The following KDM2B variants were observed in gnomAD, a reference collection of about 807,000 sequenced individuals.
The protein encoded by KDM2B is lysine demethylase 2B.
A neutral mutation model predicts 150.0 loss-of-function variants in KDM2B; 26 were observed. The ratio of observed to expected loss-of-function variants is 0.17; its 90% CI spans 0.13 to 0.24. The LOEUF (loss-of-function observed/expected upper bound fraction) is 0.24. Ranked by LOEUF, KDM2B falls within the 10% of genes least tolerant of loss-of-function variation. The pLI, the probability that KDM2B is intolerant of heterozygous loss-of-function variation, is 1.00. For synonymous variants in KDM2B, 734 were observed against 729.5 expected, an observed-to-expected ratio of 1.01 and a Z score of -0.10; for missense variants, 1,265 against 1,816.9, an observed-to-expected ratio of 0.70 and a Z score of 5.52.
chr12:121,467,234 G>A lies in KDM2B; in HGVS notation c.1735-13890C>T. 9.8e-7 allele frequency: 1 copy of A among 1,022,524 alleles called. No homozygotes were observed. Among genetic ancestry groups the A allele is most frequent in the South Asian group, 3.1e-5 (1 of 32,276 alleles). The allele number at this position is 1,022,524 out of a possible 1,614,324, so 63.3% of individuals were successfully genotyped here. ...CATGGCTCATGGTGGGCCCAGGCTCGCGCGCGCTGACATGGCTGGAGCGGC... is the reference window on the plus strand; with the variant it reads ...CATGGCTCATGGTGGGCCCAGGCTCACGCGCGCTGACATGGCTGGAGCGGC... On this transcript the variant is annotated intron_variant, in intron 12 of 22. Coordinates refer to ENST00000377071, the MANE Select transcript of KDM2B (RefSeq NM_032590.5). The surrounding 1 kb of genome is among the most constrained non-coding windows in gnomAD (Gnocchi z 5.1).
chr12:121,450,210 A>G (rs1555291237), intron 13 of KDM2B, among the ~76,000 whole-genome samples: 1 of 151,930 alleles, frequency 6.6e-6, no homozygotes, highest in African/African-American at 2.4e-5. Flanking sequence ...GCTACTTGGG[A>G]GGCTGAGGTA....
chr12:121,418,858 A>C, the KDM2B span: 1 of 152,114 alleles, frequency 6.6e-6, no homozygotes, highest in South Asian at 2.1e-4. Context: ...AGTAGCTAGG[A>C]TTACACCCCA....
chr12:121,530,096 C>T (rs1345113496), intron 8 of KDM2B, among the ~76,000 whole-genome samples: 1 of 151,406 alleles, frequency 6.6e-6, no homozygotes, highest in Non-Finnish European at 1.5e-5. Flanking sequence ...GGCATGGTGG[C>T]GGGTGCCTGT....
chr12:121,507,559 T>A (rs1311163075), intron 11 of KDM2B, among the ~76,000 whole-genome samples: 1 of 152,060 alleles, frequency 6.6e-6, no homozygotes, highest in Non-Finnish European at 1.5e-5. Flanking sequence ...CTCCTCTACA[T>A]CATCAAAGGG....
chr12:121,423,286 G>A, the KDM2B span: 3 of 861,342 alleles, frequency 3.5e-6, no homozygotes, highest in Non-Finnish European at 5.4e-6. This position sits in a 1 kb window ranked among gnomAD's most constrained non-coding sequence, Gnocchi z 4.3. Flanking sequence ...TGGGCCTGCA[G>A]GGGTCATTCA....
rs1885809027 is a variant in KDM2B, at chr12:121,513,926, G to A, written c.1048-524C>T. Among the ~76,000 whole-genome samples the A allele has an allele frequency of 6.6e-6, 1 of 152,108 alleles. No homozygotes were observed. The highest frequency in any genetic ancestry group is 1.5e-5 in the Non-Finnish European group (1 of 68,010). On this transcript the variant is annotated intron_variant, in intron 9 of 22. Transcript: ENST00000377071. This position sits in a 1 kb window ranked among gnomAD's most constrained non-coding sequence, Gnocchi z 5.0. ...TGTTGGGAGGGAGGCCAGGCCAGCGGACCAATAAGAGTGAGGGGGTGTGGC... is the reference window on the plus strand; with the variant it reads ...TGTTGGGAGGGAGGCCAGGCCAGCGAACCAATAAGAGTGAGGGGGTGTGGC...
chr12:121,564,419 C>T (rs1009062815), intron 4 of KDM2B, among the ~76,000 whole-genome samples: 12 of 152,224 alleles, frequency 7.9e-5, no homozygotes, highest in Non-Finnish European at 1.8e-4. Flanking sequence ...GATGGCGCCA[C>T]TGCACTTCAG....
At position 121,578,902 on chromosome 12, in the gene KDM2B, C is replaced by G. The variant is rs373972707; in HGVS notation, c.171G>C (p.Ser57=). ...RQRYDENEDL[S]DVEEIVSVRG... ...GGACGCTGACGATCTCCTCCACGTCCGACAAGTCCTCGTTCTCGTCGTATC... is the reference window on the plus strand; with the variant it reads ...GGACGCTGACGATCTCCTCCACGTCGGACAAGTCCTCGTTCTCGTCGTATC... The change falls in exon 2 of 23, where the codon TCG becomes TCC. Residue 57 remains serine, a synonymous_variant. Transcript: ENST00000377071. The G allele has an allele frequency of 6.2e-7, 1 of 1,612,938 alleles. No individual in the cohort carries two copies. The highest frequency in any genetic ancestry group is 1.3e-5 in the African/African-American group (1 of 74,896).
chr12:121,416,053 A>G, the KDM2B span: 42 of 853,274 alleles, frequency 4.9e-5, no homozygotes, highest in African/African-American at 5.1e-4. Flanking sequence ...AGTAATCTCA[A>G]AGTTATTGAG....
At chr12:121,494,078 G>A (rs1223159581) in intron 12 of KDM2B, 1 of 154,124 alleles carries the variant, frequency 6.5e-6, no homozygotes, top group Non-Finnish European at 1.4e-5. Context: ...GGCTGGTCTC[G>A]AACTCCTGAC....
At chr12:121,546,665 AGTGCTGGGATTACAG>A (rs1555310757) in intron 6 of KDM2B, among the ~76,000 whole-genome samples, 1 of 149,596 alleles carries the variant, frequency 6.7e-6, no homozygotes, top group African/African-American at 2.5e-5. Flanking sequence ...GGCCTCCCAA[AGTGCTGGGATTACAG>A]GTGTGAGCCT....
At chr12:121,481,550 CG>C (rs1438537080) in intron 12 of KDM2B, among the ~76,000 whole-genome samples, 32 of 119,850 alleles carry the variant, frequency 2.7e-4, no homozygotes, top group Non-Finnish European at 8.6e-5. Context: ...GGGGTGGGGG[CG>C]GGGAATGACA....
rs782053764 is a variant in KDM2B at position 121,430,273 on chromosome 12, A to T, written c.*15T>A. The T allele has an allele frequency of 1.9e-6, 3 of 1,614,132 alleles. No homozygotes were observed. The Admixed American group carries it at 5.0e-5, about 27-fold the overall frequency. ...CTCCCAGAGCCCGCCCCGTATTTAC[A>T]TACTTATCCTTGGACTAACTCAGTT... On this transcript the variant is annotated 3_prime_UTR_variant, in exon 23 of 23. Coordinates refer to ENST00000377071, the MANE Select transcript of KDM2B (RefSeq NM_032590.5). This position sits in a 1 kb window ranked among gnomAD's most constrained non-coding sequence, Gnocchi z 4.4.
Position 121,549,074 on chromosome 12 carries a change from G to A in KDM2B, c.577-91C>T, listed in dbSNP as rs1419311713. 15 of 1,018,946 alleles carry A rather than the reference G, an allele frequency of 1.5e-5. No individual in the cohort carries two copies. Among genetic ancestry groups the A allele is most frequent in the African/African-American group, 7.9e-5 (5 of 63,396 alleles). 63.1% of individuals were successfully genotyped at this position (1,018,946 alleles called of 1,614,324 possible). A position where few individuals can be genotyped will look rare whatever the true frequency, so the allele number is the denominator to read the frequency against. ...CCCCGGAGAGTCCTTGGGCCCCCCC[G>A]CTCCCCCAATCTACTGTGGGCTCAA... is the stretch of plus-strand genomic sequence containing the variant. On this transcript the variant is annotated intron_variant, in intron 5 of 22. Coordinates refer to ENST00000377071, the MANE Select transcript of KDM2B (RefSeq NM_032590.5). This position sits in a 1 kb window ranked among gnomAD's most constrained non-coding sequence, Gnocchi z 4.4.
intron 11 of KDM2B, among the ~76,000 whole-genome samples, chr12:121,504,250 T>C (rs546654890): frequency 2.9e-4 from 44 of 152,286 alleles, no homozygotes; most frequent in African/African-American, 1.1e-3. Context: ...TTTATAGACA[T>C]AGGATCTTGC....
intron 4 of KDM2B, among the ~76,000 whole-genome samples, chr12:121,571,089 G>A (rs1891054810): frequency 1.3e-5 from 2 of 152,136 alleles, no homozygotes; most frequent in South Asian, 2.1e-4. Flanking sequence ...CAGACACAAA[G>A]GATCGTGTGT....
chr12:121,528,634 A>T (rs534386041), intron 8 of KDM2B, among the ~76,000 whole-genome samples: 1 of 152,200 alleles, frequency 6.6e-6, no homozygotes, highest in Non-Finnish European at 1.5e-5. Context: ...GCTGAATTCT[A>T]TCAGACATTC....
chr12:121,538,416 G>A (rs1888341209), intron 6 of KDM2B, among the ~76,000 whole-genome samples: 2 of 152,116 alleles, frequency 1.3e-5, no homozygotes, highest in South Asian at 2.1e-4. Context: ...GGGGGAAGCC[G>A]CTCTGACCCC....
intron 6 of KDM2B, chr12:121,536,052 G>A: frequency 9.1e-6 from 9 of 985,950 alleles, no homozygotes; most frequent in Non-Finnish European, 1.1e-5. Flanking sequence ...CCTTTCCATG[G>A]TTTGGGGAAG....
Sources: allele counts gnomAD v4.1 joint callset (sites outside exome capture counted in the v4.1 genomes callset), GRCh38; gene constraint gnomAD v4.1.1; non-coding constraint Gnocchi (gnomAD v3.1); transcripts MANE v1.5; gene names NCBI Gene and HGNC (gene_info 2026-07-23, HGNC 2026-07-21).